CSMD3: variants seen among roughly 807,000 people sequenced by gnomAD.
The protein encoded by CSMD3 is CUB and Sushi multiple domains 3.
Under a neutral mutation model 435.2 loss-of-function variants are expected in CSMD3, and 177 were observed. The observed-to-expected ratio is 0.41, with a 90% CI of 0.36 to 0.46. The LOEUF (loss-of-function observed/expected upper bound fraction) is 0.46, where lower values mean the gene tolerates loss of function less well. Ranked by LOEUF, CSMD3 falls within the 20% of genes least tolerant of loss-of-function variation. CSMD3 has a pLI of 0.34. For synonymous variants in CSMD3, 1,656 were observed against 1,520.5 expected (o/e 1.09, Z -2.07); for missense variants, 4,265 against 4,504.6 (o/e 0.95, Z 1.52).
At chr8:112,770,201 C>T (rs2078077327) in intron 13 of CSMD3, among the ~76,000 whole-genome samples, 1 of 151,950 alleles carries the variant, frequency 6.6e-6, no homozygotes, top group African/African-American at 2.4e-5. Flanking sequence ...TGTTTGTCCA[C>T]CTCCAGAATT....
In CSMD3 at chr8:113,181,123, G is replaced by A. The variant is rs73344391; in HGVS notation, c.515-7207C>T. 3.5e-3 allele frequency among the ~76,000 whole-genome samples: 537 copies of A among 152,066 alleles called. 3 individuals are homozygous for A. Among genetic ancestry groups the A allele is most frequent in the African/African-American group, 0.012 (500 of 41,526 alleles). Reference sequence around the variant, plus strand: ...AAAGAAATAAGAGCAAGACAGTACTGTCTTAGCTGGGCTGCCTAAGAGGAA... The same window carrying A: ...AAAGAAATAAGAGCAAGACAGTACTATCTTAGCTGGGCTGCCTAAGAGGAA... On this transcript the variant is annotated intron_variant, in intron 3 of 70. Coordinates refer to ENST00000297405, the MANE Select transcript of CSMD3 (RefSeq NM_198123.2).
chr8:112,877,217 C>G (rs1459258728), intron 10 of CSMD3, among the ~76,000 whole-genome samples: 9 of 151,940 alleles, frequency 5.9e-5, no homozygotes, highest in Non-Finnish European at 1.0e-4. Context: ...CTGTCCCCAT[C>G]AAGCTACCAT....
At chr8:112,667,909 C>T (rs1200735418) in intron 16 of CSMD3, among the ~76,000 whole-genome samples, 1 of 152,074 alleles carries the variant, frequency 6.6e-6, no homozygotes. Flanking sequence ...TTTTGCCTTA[C>T]AGAATTTCTG....
intron 12 of CSMD3, among the ~76,000 whole-genome samples, chr8:112,816,204 T>C (rs2132411942): frequency 6.6e-6 from 1 of 152,216 alleles, no homozygotes; most frequent in Admixed American, 6.6e-5. Context: ...TGTTAACACC[T>C]AACAATAGTA....
chr8:112,687,365 C>T (rs1264855040), intron 14 of CSMD3, among the ~76,000 whole-genome samples: 1 of 151,968 alleles, frequency 6.6e-6, no homozygotes, highest in African/African-American at 2.4e-5. Context: ...ATAAACTGAT[C>T]ATTTAAGTTT....
At chr8:112,399,152 A>C (rs1479285743) in intron 35 of CSMD3, among the ~76,000 whole-genome samples, 1 of 151,850 alleles carries the variant, frequency 6.6e-6, no homozygotes, top group African/African-American at 2.4e-5. Context: ...TCTTGACTTC[A>C]CGTGATCCAC....
intron 3 of CSMD3, among the ~76,000 whole-genome samples, chr8:113,176,948 C>A (rs1260151304): frequency 6.6e-6 from 1 of 151,008 alleles, no homozygotes; most frequent in Non-Finnish European, 1.5e-5. Context: ...AATTACTCAA[C>A]CATGTTCAAT....
At chr8:113,260,111 C>G (rs1295189430) in intron 3 of CSMD3, among the ~76,000 whole-genome samples, 2 of 152,132 alleles carry the variant, frequency 1.3e-5, no homozygotes, top group African/African-American at 4.8e-5. Flanking sequence ...CCTCCCTAGC[C>G]CTGTGGAACT....
At chr8:112,788,437 G>T (rs532840192) in intron 13 of CSMD3, among the ~76,000 whole-genome samples, 30 of 152,066 alleles carry the variant, frequency 2.0e-4, no homozygotes, top group African/African-American at 6.7e-4. Context: ...TGCTGCCCCA[G>T]TTCCCACCTC....
At chr8:112,795,934 C>A (rs555958771) in intron 13 of CSMD3, among the ~76,000 whole-genome samples, 2 of 152,110 alleles carry the variant, frequency 1.3e-5, no homozygotes, top group African/African-American at 4.8e-5. Context: ...TAATTCAAGT[C>A]TTAAGAAATA....
intron 45 of CSMD3, among the ~76,000 whole-genome samples, chr8:112,333,116 T>C (rs911468766): frequency 1.3e-5 from 2 of 152,180 alleles, no homozygotes; most frequent in Non-Finnish European, 2.9e-5. Flanking sequence ...CAAGGTCAAA[T>C]AGAAAATCAA....
chr8:112,875,527 C>G (rs1371783293), intron 10 of CSMD3, among the ~76,000 whole-genome samples: 2 of 152,128 alleles, frequency 1.3e-5, no homozygotes, highest in African/African-American at 4.8e-5. Context: ...CAACTTGGTT[C>G]CATTCTCCCT....
chr8:112,982,835 A>G (rs2085103579), intron 6 of CSMD3, among the ~76,000 whole-genome samples: 1 of 151,980 alleles, frequency 6.6e-6, no homozygotes, highest in South Asian at 2.1e-4. Context: ...ATTAATACTT[A>G]ATGATGGCAA....
chr8:112,774,209 C>T (rs1442183339), intron 13 of CSMD3, among the ~76,000 whole-genome samples: 1 of 151,950 alleles, frequency 6.6e-6, no homozygotes, highest in East Asian at 1.9e-4. Context: ...GAAATGATGC[C>T]TTATAATTTT....
intron 22 of CSMD3, among the ~76,000 whole-genome samples, chr8:112,590,092 G>C (rs1831053409): frequency 6.6e-6 from 1 of 152,126 alleles, no homozygotes; most frequent in Admixed American, 6.5e-5. Flanking sequence ...GAAGTGGCTA[G>C]AGGCAAATGA....
At chr8:113,245,857 A>C (rs905767064) in intron 3 of CSMD3, among the ~76,000 whole-genome samples, 1 of 152,000 alleles carries the variant, frequency 6.6e-6, no homozygotes, top group Non-Finnish European at 1.5e-5. Context: ...CTGGAAATGT[A>C]TTAATTTATT....
intron 13 of CSMD3, among the ~76,000 whole-genome samples, chr8:112,769,365 G>C (rs2078056860): frequency 6.6e-6 from 1 of 151,864 alleles, no homozygotes; most frequent in Non-Finnish European, 1.5e-5. Flanking sequence ...CTAACTCTGT[G>C]AGCTTGTCTA....
chr8:112,961,799 T>C (rs1466000442), intron 7 of CSMD3, among the ~76,000 whole-genome samples: 1 of 151,946 alleles, frequency 6.6e-6, no homozygotes, highest in African/African-American at 2.4e-5. Flanking sequence ...TCTTTCTTCC[T>C]AGAAATGGAG....
chr8:113,244,739 A>T (rs764330713), intron 3 of CSMD3, among the ~76,000 whole-genome samples: 2 of 152,204 alleles, frequency 1.3e-5, no homozygotes, highest in Non-Finnish European at 2.9e-5. Flanking sequence ...GACCATAAAT[A>T]TAAGGGTTTA....
Sources: allele counts gnomAD v4.1 joint callset (sites outside exome capture counted in the v4.1 genomes callset), GRCh38; gene constraint gnomAD v4.1.1; transcripts MANE v1.5; gene names NCBI Gene and HGNC (gene_info 2026-07-23, HGNC 2026-07-21).